GAD2: variants seen among roughly 807,000 people sequenced by gnomAD.
The protein encoded by GAD2 is glutamate decarboxylase 2.
In GAD2, 22 loss-of-function variants were observed where a neutral mutation model predicts 80.1. The ratio of observed to expected loss-of-function variants is 0.27; its 90% confidence interval spans 0.20 to 0.39. The LOEUF (loss-of-function observed/expected upper bound fraction) is 0.39, where lower values mean the gene tolerates loss of function less well. Ranked by LOEUF, GAD2 falls within the 10% of genes least tolerant of loss-of-function variation. The pLI is 1.00. For missense variants in GAD2, 624 were observed against 738.4 expected, an observed-to-expected ratio of 0.85 and a Z score of 1.80; for synonymous variants, 274 against 256.9, an observed-to-expected ratio of 1.07 and a Z score of -0.64.
chr10:26,216,904 G>T lies in GAD2; in HGVS notation c.76+19G>T. The T allele has an allele frequency of 1.3e-6, 2 of 1,599,562 alleles. No individual in the cohort carries two copies. The highest frequency in any genetic ancestry group is 1.1e-5 in the South Asian group (1 of 89,740). On this transcript the variant is annotated intron_variant, in intron 1 of 15. Transcript: ENST00000376261. The surrounding 1 kb of genome is among the most constrained non-coding windows in gnomAD (Gnocchi z 4.7). ...GGCACAGGTAGGAAGGAGAACGGGG[G>T]CCTGCGGCGGGCGAGTTTTGCGGTG...
In GAD2 at chr10:26,217,737, A is replaced by C. The variant is rs979606145; in HGVS notation, c.136+68A>C. The C allele has an allele frequency of 9.4e-6, 15 of 1,589,862 alleles. No homozygotes were observed. The African/African-American group carries it at 1.3e-4, about 14-fold the overall frequency. ...GTCCAAGCAGTCTTCTCACCTCCGCATCCCAGTCAGCGGAGTCGGGGTTTC... is the reference window on the plus strand; with the variant it reads ...GTCCAAGCAGTCTTCTCACCTCCGCCTCCCAGTCAGCGGAGTCGGGGTTTC... On this transcript the variant is annotated intron_variant, in intron 2 of 15. Coordinates refer to ENST00000376261, the MANE Select transcript of GAD2 (RefSeq NM_001134366.2). The surrounding 1 kb of genome is among the most constrained non-coding windows in gnomAD (Gnocchi z 4.9).
At chr10:26,218,100 C>G (rs1844404171) in intron 3 of GAD2, 109 bp downstream of exon 3, 2 of 1,205,160 alleles carry the variant, frequency 1.7e-6, no homozygotes, top group Non-Finnish European at 2.3e-6. Flanking sequence ...GTCGAGGTGG[C>G]AGCGGAGGCG....
chr10:26,232,252 T>C (rs1589138854), intron 7 of GAD2, among the ~76,000 whole-genome samples: 1 of 152,126 alleles, frequency 6.6e-6, no homozygotes, highest in South Asian at 2.1e-4. Context: ...GGCGTCTTTT[T>C]CTTTTGGCTT....
At position 26,223,937 on chromosome 10, in the gene GAD2, T is replaced by G; in HGVS notation, c.571T>G (p.Leu191Val). ...QLSTGLDMVGLAADWLTSTAN... is the reference protein window; with the variant it reads ...QLSTGLDMVGVAADWLTSTAN... ...TTCTACTGGTTTGGATATGGTTGGA[T>G]TAGCAGCAGACTGGCTGACATCAAC... The change falls in exon 5 of 16, where the codon TTA becomes GTA. Residue 191 changes from leucine (L) to valine (V), a missense_variant. Leu to Val is a conservative substitution (Grantham distance 32). Coordinates refer to ENST00000376261, the MANE Select transcript of GAD2 (RefSeq NM_001134366.2). The G allele has an allele frequency of 6.2e-7, 1 of 1,611,504 alleles. No individual in the cohort carries two copies. The highest frequency in any genetic ancestry group is 8.5e-7 in the Non-Finnish European group (1 of 1,179,194).
At chr10:26,246,272 T>C (rs1844808597) in intron 8 of GAD2, among the ~76,000 whole-genome samples, 1 of 152,182 alleles carries the variant, frequency 6.6e-6, no homozygotes, top group African/African-American at 2.4e-5. Context: ...CAGAAAGACT[T>C]TCATCACCTG....
chr10:26,219,164 T>C lies in GAD2; in HGVS notation c.408T>C (p.His136=), dbSNP rs1436141237. Residue 136 remains histidine (H), a synonymous_variant, in exon 4 of 16, where the codon CAT becomes CAC. Coordinates refer to ENST00000376261, the MANE Select transcript of GAD2 (RefSeq NM_001134366.2). ...GATCAACCAAAGTGATTGATTTCCA[T>C]TATCCTAATGAGCTTCTCCAAGAAT... ...FDRSTKVIDF[H]YPNELLQEYN... 6 of 1,613,858 alleles carry C rather than the reference T, an allele frequency of 3.7e-6. No individual in the cohort carries two copies. Among genetic ancestry groups the C allele is most frequent in the East Asian group, 2.2e-5 (1 of 44,872 alleles).
At chr10:26,288,559 C>A (rs1328574499) in intron 13 of GAD2, among the ~76,000 whole-genome samples, 2 of 152,124 alleles carry the variant, frequency 1.3e-5, no homozygotes, top group South Asian at 4.1e-4. Flanking sequence ...TATTGATGTA[C>A]CTCCAAGCAG....
chr10:26,304,007 A>G lies in GAD2; in HGVS notation c.*3046A>G, dbSNP rs8190818. On this transcript the variant is annotated 3_prime_UTR_variant, in exon 16 of 16. Transcript: ENST00000376261. ...CTCTCTCTCTCTCTCTTTCCTAACT[A>G]TATGCCCTCCACATCGGCTCTAATA... The G allele has an allele frequency of 6.6e-6, 1 of 152,138 alleles. No homozygotes were observed. Among genetic ancestry groups the G allele is most frequent in the Admixed American group, 6.5e-5 (1 of 15,274 alleles). The allele number at this position is 152,138 out of a possible 1,614,324, so 9.4% of individuals were successfully genotyped here. A position where few individuals can be genotyped will look rare whatever the true frequency, so the allele number is the denominator to read the frequency against.
chr10:26,257,941 C>G (rs924779497), intron 8 of GAD2, among the ~76,000 whole-genome samples: 1 of 152,076 alleles, frequency 6.6e-6, no homozygotes, highest in Non-Finnish European at 1.5e-5. Context: ...ACAGAGACAC[C>G]GAATCGATTA....
intron 8 of GAD2, among the ~76,000 whole-genome samples, chr10:26,255,438 G>A (rs755571961): frequency 1.3e-5 from 2 of 152,120 alleles, no homozygotes; most frequent in Admixed American, 6.5e-5. Context: ...TACAGGCAAG[G>A]TCCAGGAGGT....
At chr10:26,296,515 A>G (rs190779281) in intron 15 of GAD2, among the ~76,000 whole-genome samples, 88 of 152,308 alleles carry the variant, frequency 5.8e-4, no homozygotes, top group Non-Finnish European at 7.6e-4. Context: ...TGTCAGGACT[A>G]TGATCTTGCA....
At chr10:26,266,759 C>T (rs1405483535) in intron 8 of GAD2, among the ~76,000 whole-genome samples, 3 of 152,126 alleles carry the variant, frequency 2.0e-5, no homozygotes, top group Non-Finnish European at 2.9e-5. Context: ...ACTGTTTTCC[C>T]GGCAGGTTTG....
intron 4 of GAD2, among the ~76,000 whole-genome samples, chr10:26,221,280 T>C (rs750489265): frequency 2.0e-5 from 3 of 152,266 alleles, no homozygotes; most frequent in Non-Finnish European, 4.4e-5. Context: ...ATCTTGTTTC[T>C]ACTGAGAGAC....
chr10:26,269,876 GAGA>G (rs1474910317), intron 9 of GAD2, among the ~76,000 whole-genome samples: 4 of 152,170 alleles, frequency 2.6e-5, no homozygotes, highest in African/African-American at 4.8e-5. Context: ...CAGGCAGCAG[GAGA>G]AGGTTTCCCT....
upstream of GAD2, chr10:26,216,685 C>T: frequency 5.0e-6 from 3 of 605,400 alleles, no homozygotes; most frequent in Non-Finnish European, 8.0e-6. The surrounding 1 kb of genome is among the most constrained non-coding windows in gnomAD (Gnocchi z 4.7). Context: ...GCCGCTCGGC[C>T]CCGCCGGTCC....
At chr10:26,243,780 T>G (rs945122270) in intron 7 of GAD2, among the ~76,000 whole-genome samples, 1 of 152,244 alleles carries the variant, frequency 6.6e-6, no homozygotes, top group Non-Finnish European at 1.5e-5. Context: ...TAAAGAGTGC[T>G]AGATTTAGGG....
intron 6 of GAD2, among the ~76,000 whole-genome samples, chr10:26,228,119 C>G (rs962030367): frequency 6.6e-6 from 1 of 152,210 alleles, no homozygotes; most frequent in Non-Finnish European, 1.5e-5. Flanking sequence ...TGGGGTGTTC[C>G]CCTTGGTCAG....
chr10:26,243,859 G>T (rs1282998576), intron 7 of GAD2, among the ~76,000 whole-genome samples: 1 of 152,154 alleles, frequency 6.6e-6, no homozygotes, highest in Non-Finnish European at 1.5e-5. Context: ...TAACTTCTTG[G>T]TAACATATAA....
At chr10:26,245,600 G>A (rs1279410230) in intron 7 of GAD2, among the ~76,000 whole-genome samples, 1 of 151,280 alleles carries the variant, frequency 6.6e-6, no homozygotes, top group Non-Finnish European at 1.5e-5. Context: ...ACCACACCCG[G>A]CTAATTTTTT....
Sources: allele counts gnomAD v4.1 joint callset (sites outside exome capture counted in the v4.1 genomes callset), GRCh38; gene constraint gnomAD v4.1.1; non-coding constraint Gnocchi (gnomAD v3.1); transcripts MANE v1.5; gene names NCBI Gene and HGNC (gene_info 2026-07-23, HGNC 2026-07-21).